Variants in LOC128092252 observed in about 807,000 individuals in gnomAD.
At chr15:50,676,864 CTTAATA>C in the LOC128092252 span, among the ~76,000 whole-genome samples, 2 of 152,132 alleles carry the variant, frequency 1.3e-5, no homozygotes, top group Non-Finnish European at 2.9e-5. Context: ...ATCCTAAATA[CTTAATA>C]TTAATTCTAC....
chr15:50,654,269 A>T, the LOC128092252 span, among the ~76,000 whole-genome samples: 2 of 151,322 alleles, frequency 1.3e-5, no homozygotes, highest in African/African-American at 2.4e-5. Context: ...AACATAGTGA[A>T]ACCCCATCTC....
At chr15:50,670,839 A>G in the LOC128092252 span, among the ~76,000 whole-genome samples, 1 of 151,944 alleles carries the variant, frequency 6.6e-6, no homozygotes, top group Non-Finnish European at 1.5e-5. Flanking sequence ...AGAAAATAAT[A>G]AGAGGATACT....
chr15:50,651,666 A>C, the LOC128092252 span, among the ~76,000 whole-genome samples: 2 of 152,004 alleles, frequency 1.3e-5, no homozygotes, highest in Admixed American at 6.6e-5. Context: ...AAAGAAAAGA[A>C]GACTGTGGGA....
At chr15:50,659,697 T>A in the LOC128092252 span, among the ~76,000 whole-genome samples, 1 of 151,868 alleles carries the variant, frequency 6.6e-6, no homozygotes, top group Non-Finnish European at 1.5e-5. Flanking sequence ...AGATGGAGTC[T>A]CACTCTGTCA....
chr15:50,662,844 T>C, the LOC128092252 span: 3 of 740,486 alleles, frequency 4.1e-6, no homozygotes, highest in South Asian at 3.3e-5. Context: ...TTAACAGTAA[T>C]TATAAAAAGT....
At chr15:50,668,619 T>G in the LOC128092252 span, among the ~76,000 whole-genome samples, 2 of 152,206 alleles carry the variant, frequency 1.3e-5, no homozygotes, top group African/African-American at 4.8e-5. Flanking sequence ...GTAATTCTCC[T>G]GCCTCAGCCT....
chr15:50,679,986 C>A, the LOC128092252 span, among the ~76,000 whole-genome samples: 1 of 151,152 alleles, frequency 6.6e-6, no homozygotes, highest in African/African-American at 2.4e-5. Flanking sequence ...GTAATCCCAG[C>A]ACTTTGGGGG....
the LOC128092252 span, among the ~76,000 whole-genome samples, chr15:50,657,090 G>A: frequency 0.17 from 25,518 of 152,072 alleles, 2,373 homozygotes; most frequent in African/African-American, 0.25. Context: ...TTGGGAGGCC[G>A]AGGCGGGTGG....
the LOC128092252 span, among the ~76,000 whole-genome samples, chr15:50,666,007 T>A: frequency 1.1e-4 from 16 of 148,376 alleles, no homozygotes; most frequent in African/African-American, 3.7e-4. Flanking sequence ...AATAATAATT[T>A]AAAAAAAAGG....
At chr15:50,672,360 C>G in the LOC128092252 span, among the ~76,000 whole-genome samples, 1 of 151,730 alleles carries the variant, frequency 6.6e-6, no homozygotes, top group East Asian at 1.9e-4. Flanking sequence ...CCGGCCACTC[C>G]TACCTATTTT....
At chr15:50,654,169 G>A in the LOC128092252 span, among the ~76,000 whole-genome samples, 13 of 152,084 alleles carry the variant, frequency 8.5e-5, no homozygotes, top group Non-Finnish European at 1.9e-4. Context: ...AAAATTATTG[G>A]CCGGGTGCAG....
chr15:50,659,297 C>T, the LOC128092252 span, among the ~76,000 whole-genome samples: 1 of 152,042 alleles, frequency 6.6e-6, no homozygotes, highest in African/African-American at 2.4e-5. Flanking sequence ...TAATCATCTG[C>T]TTGGACATAC....
At chr15:50,660,808 A>T in the LOC128092252 span, among the ~76,000 whole-genome samples, 1 of 152,174 alleles carries the variant, frequency 6.6e-6, no homozygotes. Context: ...GGCATTACAT[A>T]ACCTAAGGGG....
At chr15:50,677,555 A>T in the LOC128092252 span, among the ~76,000 whole-genome samples, 1 of 151,850 alleles carries the variant, frequency 6.6e-6, no homozygotes, top group East Asian at 2.0e-4. Context: ...CCTGACCAAC[A>T]TGGTGAAACC....
At chr15:50,660,529 C>T in the LOC128092252 span, among the ~76,000 whole-genome samples, 1 of 152,124 alleles carries the variant, frequency 6.6e-6, no homozygotes, top group African/African-American at 2.4e-5. Context: ...GTAGCGCATG[C>T]CTATAGTCCC....
chr15:50,662,027 G>T, the LOC128092252 span, among the ~76,000 whole-genome samples: 615 of 152,050 alleles, frequency 4.0e-3, 5 homozygotes, highest in African/African-American at 0.014. Context: ...AGACCAGCCT[G>T]GCCAACATAG....
the LOC128092252 span, among the ~76,000 whole-genome samples, chr15:50,662,645 G>C: frequency 7.9e-5 from 12 of 152,164 alleles, no homozygotes; most frequent in East Asian, 2.3e-3. Context: ...CCCAATATCA[G>C]TGAATCCATT....
At chr15:50,663,254 G>A in the LOC128092252 span, among the ~76,000 whole-genome samples, 9 of 151,850 alleles carry the variant, frequency 5.9e-5, no homozygotes, top group Non-Finnish European at 8.8e-5. Flanking sequence ...TCAGCCTCCC[G>A]GGTAGCTGGC....
chr15:50,658,237 C>G, the LOC128092252 span, among the ~76,000 whole-genome samples: 3,074 of 152,040 alleles, frequency 0.02, 117 homozygotes, highest in African/African-American at 0.071. Context: ...GATCTCCTGA[C>G]CTTGTGATCC....
Sources: allele counts gnomAD v4.1 joint callset (sites outside exome capture counted in the v4.1 genomes callset), GRCh38; gene constraint gnomAD v4.1.1; transcripts MANE v1.5.